The following HDAC9 variants were observed in gnomAD, a reference collection of about 807,000 sequenced individuals.
The protein encoded by HDAC9 is histone deacetylase 9.
Under a neutral mutation model 139.4 loss-of-function variants are expected in HDAC9, and 41 were observed. The observed-to-expected ratio is 0.29, with a 90% CI of 0.23 to 0.38. The LOEUF (loss-of-function observed/expected upper bound fraction) is 0.38. Ranked by LOEUF, HDAC9 falls within the 10% of genes least tolerant of loss-of-function variation. The pLI is 1.00. For missense variants in HDAC9, 1,147 were observed against 1,297.0 expected (o/e 0.88, Z 1.78); for synonymous variants, 517 against 476.2 (o/e 1.09, Z -1.12).
intron 1 of HDAC9, among the ~76,000 whole-genome samples, chr7:18,377,051 T>C (rs1785046857): frequency 6.6e-6 from 1 of 152,110 alleles, no homozygotes; most frequent in African/African-American, 2.4e-5. Context: ...ACAGTGCTGA[T>C]ATAGCACCAG....
chr7:18,638,567 G>A (rs947740099), intron 8 of HDAC9, among the ~76,000 whole-genome samples: 8 of 152,050 alleles, frequency 5.3e-5, no homozygotes, highest in African/African-American at 1.7e-4. Flanking sequence ...AGGTAGTACC[G>A]TAATACCTAC....
chr7:18,486,100 T>C (rs1435775446), intron 1 of HDAC9, among the ~76,000 whole-genome samples: 1 of 152,120 alleles, frequency 6.6e-6, no homozygotes, highest in African/African-American at 2.4e-5. Context: ...AAGCAAGAGA[T>C]GGCTAGATTT....
In HDAC9 at chr7:18,217,452, T is replaced by C. The variant is rs1792398759; in HGVS notation, c.25+55103T>C. On this transcript the variant is annotated intron_variant, in intron 2 of 12. Transcript: ENST00000417496. ...CTTTCCTTAGATATAGTTTGTTCACTTTTTTAAAAGGTATTTGCATTGAAT... is the reference window on the plus strand; with the variant it reads ...CTTTCCTTAGATATAGTTTGTTCACCTTTTTAAAAGGTATTTGCATTGAAT... Among the ~76,000 whole-genome samples the C allele has an allele frequency of 2.0e-5, 3 of 152,204 alleles. No individual in the cohort carries two copies. In the South Asian group the frequency reaches 6.2e-4, roughly 31 times the overall value.
At chr7:18,781,894 T>A (rs1405894964) in intron 16 of HDAC9, among the ~76,000 whole-genome samples, 1 of 152,138 alleles carries the variant, frequency 6.6e-6, no homozygotes, top group Admixed American at 6.6e-5. Flanking sequence ...CCACAGTAGA[T>A]GATTCATTTA....
At chr7:18,923,822 A>C (rs1178972694) in intron 22 of HDAC9, among the ~76,000 whole-genome samples, 1 of 152,130 alleles carries the variant, frequency 6.6e-6, no homozygotes, top group Non-Finnish European at 1.5e-5. Context: ...AAATCATGCA[A>C]GATAAAAACA....
At chr7:18,712,573 G>A (rs1584895639) in intron 12 of HDAC9, among the ~76,000 whole-genome samples, 1 of 152,150 alleles carries the variant, frequency 6.6e-6, no homozygotes, top group Non-Finnish European at 1.5e-5. Flanking sequence ...CTTTACTCAA[G>A]TTGTGAACAA....
intron 1 of HDAC9, among the ~76,000 whole-genome samples, chr7:18,467,952 A>G (rs559455303): frequency 5.2e-4 from 79 of 152,292 alleles, no homozygotes; most frequent in Non-Finnish European, 8.8e-4. Flanking sequence ...CAGATATTTT[A>G]TAAAATTCCA....
At chr7:18,872,210 C>A (rs1798972560) in intron 21 of HDAC9, among the ~76,000 whole-genome samples, 1 of 151,842 alleles carries the variant, frequency 6.6e-6, no homozygotes, top group African/African-American at 2.4e-5. Flanking sequence ...CTAAATTTCC[C>A]ATCTTTTTCT....
At chr7:18,204,568 A>G (rs1791362512) in intron 2 of HDAC9, among the ~76,000 whole-genome samples, 1 of 151,912 alleles carries the variant, frequency 6.6e-6, no homozygotes, top group Non-Finnish European at 1.5e-5. Context: ...TTGCTTTTTT[A>G]AAATAATTTT....
intron 1 of HDAC9, among the ~76,000 whole-genome samples, chr7:18,434,319 A>G (rs1391182579): frequency 6.6e-6 from 1 of 152,228 alleles, no homozygotes; most frequent in Non-Finnish European, 1.5e-5. Flanking sequence ...AAACCTAGGA[A>G]ATACCATTCT....
At chr7:18,936,512 A>T (rs1490675046) in intron 23 of HDAC9, among the ~76,000 whole-genome samples, 2 of 152,230 alleles carry the variant, frequency 1.3e-5, no homozygotes, top group African/African-American at 4.8e-5. Context: ...TCACATGGCT[A>T]CATTGCAACA....
intron 1 of HDAC9, among the ~76,000 whole-genome samples, chr7:18,403,306 C>T (rs1787711554): frequency 1.3e-5 from 2 of 152,064 alleles, no homozygotes; most frequent in South Asian, 4.2e-4. Flanking sequence ...GTAAAGTCAT[C>T]ATTACTATAG....
chr7:18,728,859 T>C lies in HDAC9; in HGVS notation c.1909+1102T>C, dbSNP rs992365534. 1.1e-4 allele frequency among the ~76,000 whole-genome samples: 17 copies of C among 152,354 alleles called. 1 individual carries two copies. The East Asian group carries it at 3.1e-3, about 28-fold the overall frequency. Reference sequence around the variant, plus strand: ...GGTAGGCATCTTTAATAAGTATGCATAGAAGTGACTTTTTATAATGTTTTA... The same window carrying C: ...GGTAGGCATCTTTAATAAGTATGCACAGAAGTGACTTTTTATAATGTTTTA... On this transcript the variant is annotated intron_variant, in intron 13 of 25. Coordinates refer to ENST00000686413, the MANE Select transcript of HDAC9 (RefSeq NM_178425.4).
intron 2 of HDAC9, among the ~76,000 whole-genome samples, chr7:18,187,034 A>T (rs1047658678): frequency 1.3e-5 from 2 of 152,226 alleles, no homozygotes; most frequent in African/African-American, 4.8e-5. Flanking sequence ...TTACTGCCTA[A>T]TGGGCAAACC....
At chr7:18,607,323 G>A (rs1248005465) in intron 6 of HDAC9, among the ~76,000 whole-genome samples, 1 of 152,186 alleles carries the variant, frequency 6.6e-6, no homozygotes, top group Non-Finnish European at 1.5e-5. Context: ...ACAAAGCATG[G>A]AAAATAATTT....
At chr7:18,373,674 G>T (rs184811016) in intron 1 of HDAC9, among the ~76,000 whole-genome samples, 45 of 152,204 alleles carry the variant, frequency 3.0e-4, no homozygotes, top group African/African-American at 9.4e-4. Context: ...TTGAAATCCA[G>T]GTGAAACTAA....
In HDAC9 at chr7:18,168,985, T is replaced by C. The variant is rs1242908701; in HGVS notation, c.25+6636T>C. On this transcript the variant is annotated intron_variant, in intron 2 of 12. Coordinates refer to the HDAC9 transcript ENST00000417496. ...AGAGTTTTGTTCTTGTTGCCCAGGC[T>C]GGAGTGCAATGGCATGATCTTGGCT... 3.3e-5 allele frequency among the ~76,000 whole-genome samples: 5 copies of C among 149,564 alleles called. No homozygotes were observed. In the East Asian group the frequency reaches 8.0e-4, roughly 24 times the overall value.
chr7:18,685,749 G>T (rs535991941), intron 12 of HDAC9, among the ~76,000 whole-genome samples: 1 of 151,878 alleles, frequency 6.6e-6, no homozygotes, highest in Non-Finnish European at 1.5e-5. Flanking sequence ...CATTCTATGC[G>T]ACAGAGTTTT....
intron 25 of HDAC9, among the ~76,000 whole-genome samples, chr7:18,984,397 A>AAAAT (rs1256600064): frequency 6.6e-6 from 1 of 152,124 alleles, no homozygotes; most frequent in Non-Finnish European, 1.5e-5. Context: ...GAAGGGAATT[A>AAAAT]AAATATTTAT....
Sources: gnomAD v4.1 joint callset for allele counts (sites outside exome capture counted in the v4.1 genomes callset) on GRCh38, gnomAD v4.1.1 for gene constraint, MANE v1.5 for transcripts, NCBI Gene and HGNC (gene_info 2026-07-23, HGNC 2026-07-21) for gene names.